The following ATP11C variants were observed in gnomAD, a reference collection of about 807,000 sequenced individuals.
ATP11C encodes the protein ATPase phospholipid transporting 11C (ATP11C blood group).
In ATP11C, 36 loss-of-function variants were observed where a neutral mutation model predicts 97.4. The observed-to-expected ratio is 0.37, with a 90% confidence interval of 0.28 to 0.49. The LOEUF (loss-of-function observed/expected upper bound fraction) is 0.49, where lower values mean the gene tolerates loss of function less well. ATP11C is among the 20% of genes least tolerant of loss of function. The probability of loss-of-function intolerance (pLI) is 0.98; values close to 1 mark genes in which losing one functional copy is unlikely to be tolerated. For missense variants in ATP11C, 730 were observed against 824.6 expected, an observed-to-expected ratio of 0.89 and a Z score of 1.40; for synonymous variants, 275 against 290.9, an observed-to-expected ratio of 0.95 and a Z score of 0.56.
chrX:139,822,797 C>T (rs999938073), intron 2 of ATP11C, among the ~76,000 whole-genome samples: 1 of 109,981 alleles, frequency 9.1e-6, no homozygotes, highest in Non-Finnish European at 1.9e-5. Flanking sequence ...CTCAGCCTCC[C>T]GAAGTGCTGG....
At chrX:139,914,424 G>C (rs1443683137) in intron 1 of ATP11C, among the ~76,000 whole-genome samples, 1 of 112,311 alleles carries the variant, frequency 8.9e-6, no homozygotes, top group Non-Finnish European at 1.9e-5. Context: ...CTTTAGATTT[G>C]TTCATTCATC....
intron 1 of ATP11C, among the ~76,000 whole-genome samples, chrX:139,931,275 T>C (rs189091871): frequency 3.9e-4 from 44 of 112,127 alleles, no homozygotes; most frequent in Admixed American, 7.5e-4. Flanking sequence ...GGGGTAAACG[T>C]GGACGGAGGA....
intron 5 of ATP11C, among the ~76,000 whole-genome samples, chrX:139,810,290 T>C (rs1284651302): frequency 1.8e-5 from 2 of 110,286 alleles, no homozygotes; most frequent in Non-Finnish European, 3.8e-5. Context: ...ACCTCATCCC[T>C]ACTAAAAATA....
chrX:139,833,030 C>G (rs2083682735), intron 1 of ATP11C, among the ~76,000 whole-genome samples: 1 of 111,970 alleles, frequency 8.9e-6, no homozygotes, highest in Non-Finnish European at 1.9e-5. Context: ...AGATAAGAAA[C>G]TCTAGCTGGA....
Position 139,869,625 on chromosome X carries a change from A to G in ATP11C, c.28-42802T>C, listed in dbSNP as rs1465415618. Among the ~76,000 whole-genome samples, 157 of 103,182 alleles carry G rather than the reference A, an allele frequency of 1.5e-3. 1 individual carries two copies. The highest frequency in any genetic ancestry group is 5.1e-3 in the African/African-American group (144 of 28,374). 89.6% of individuals were successfully genotyped at this position (103,182 alleles called of 115,157 possible). On this transcript the variant is annotated intron_variant, in intron 1 of 29. Coordinates refer to ENST00000682941, the MANE Select transcript of ATP11C (RefSeq NM_001353812.2). ...GGCAAAACCCCCTCTCTACTAAAAA[A>G]AAAAAAAAAAAAAAAAAAATTAGCT...
intron 1 of ATP11C, among the ~76,000 whole-genome samples, chrX:139,911,014 G>T (rs765988338): frequency 9.0e-6 from 1 of 111,307 alleles, no homozygotes; most frequent in Non-Finnish European, 1.9e-5. Flanking sequence ...TTTGCAAAAT[G>T]TTAAAAGTTT....
At position 139,932,210 on chromosome X, in the gene ATP11C, GC is replaced by G. The variant is rs2085450166; in HGVS notation, c.-169del. Reference sequence around the variant, plus strand: ...CCCCCTCGGCTCTCCGCGCTCCCCCGCCCCCCAGCCGCCCGCAGCCTAGCCG... The same window carrying G: ...CCCCCTCGGCTCTCCGCGCTCCCCCGCCCCCAGCCGCCCGCAGCCTAGCCG... On this transcript the variant is annotated 5_prime_UTR_variant, in exon 1 of 30. Coordinates refer to ENST00000682941, the MANE Select transcript of ATP11C (RefSeq NM_001353812.2). 1.7e-5 allele frequency: 4 copies of G among 231,845 alleles called. No homozygotes were observed. Among genetic ancestry groups the G allele is most frequent in the East Asian group, 2.1e-4 (1 of 4,802 alleles). The allele number at this position is 231,845 out of a possible 1,213,427, so 19.1% of individuals were successfully genotyped here.
At chrX:139,814,348 A>G (rs368597026) in intron 5 of ATP11C, among the ~76,000 whole-genome samples, 2 of 111,620 alleles carry the variant, frequency 1.8e-5, no homozygotes, top group South Asian at 3.7e-4. Context: ...TTAAAAAGTT[A>G]AACACGTAAT....
At chrX:139,736,454 TG>T (rs1704852052) in intron 28 of ATP11C, among the ~76,000 whole-genome samples, 1 of 111,608 alleles carries the variant, frequency 9.0e-6, no homozygotes. Context: ...CAAATAAGGA[TG>T]GAAGAGCAAC....
chrX:139,795,825 T>A (rs140653736), intron 12 of ATP11C, among the ~76,000 whole-genome samples: 252 of 111,718 alleles, frequency 2.3e-3, no homozygotes, highest in African/African-American at 8.0e-3. Flanking sequence ...ACTCTGCTTG[T>A]TAGGTCTATA....
chrX:139,906,000 G>A (rs1286647937), intron 1 of ATP11C, among the ~76,000 whole-genome samples: 5 of 110,498 alleles, frequency 4.5e-5, no homozygotes, highest in African/African-American at 6.6e-5. Flanking sequence ...CCCTCCCACC[G>A]CCCCCACAAC....
intron 3 of ATP11C, 49 bp from the exon 4 acceptor site, chrX:139,816,992 C>T (rs1162769720): frequency 2.3e-6 from 2 of 851,691 alleles, no homozygotes; most frequent in Non-Finnish European, 1.7e-6. Context: ...TTGTCATTAA[C>T]TCATATGCAG....
chrX:139,903,881 C>T (rs977429521), intron 1 of ATP11C, among the ~76,000 whole-genome samples: 1 of 110,651 alleles, frequency 9.0e-6, no homozygotes, highest in Non-Finnish European at 1.9e-5. Flanking sequence ...TATAGAACAC[C>T]GGTTTTCAAA....
chrX:139,922,223 A>AATATATATATATATATATAT (rs201394639), intron 1 of ATP11C, among the ~76,000 whole-genome samples: 3 of 43,761 alleles, frequency 6.9e-5, no homozygotes, highest in African/African-American at 1.6e-4. Context: ...TCCTTCTCTA[A>AATATATATATATATATATAT]ATATATATAT....
chrX:139,729,027 C>T, intron 29 of ATP11C, 65 bp from the exon 30 acceptor site: 3 of 890,077 alleles, frequency 3.4e-6, no homozygotes, highest in Admixed American at 2.5e-5. Flanking sequence ...ATCTGTTAAG[C>T]ATTTTCAGAA....
At chrX:139,850,549 T>G (rs1267655301) in intron 1 of ATP11C, among the ~76,000 whole-genome samples, 2 of 111,841 alleles carry the variant, frequency 1.8e-5, no homozygotes, top group Non-Finnish European at 3.8e-5. Context: ...GCTGTGTGGC[T>G]ATTTTTAACC....
rs191955272 is a variant in ATP11C at position 139,814,415 on chromosome X, G to A, written c.426+463C>T. 9.8e-3 allele frequency among the ~76,000 whole-genome samples: 1,096 copies of A among 111,825 alleles called. 6 individuals are homozygous for A. The highest frequency in any genetic ancestry group is 0.015 in the Non-Finnish European group (772 of 53,052). On this transcript the variant is annotated intron_variant, in intron 5 of 29. Transcript: ENST00000682941. ...TATATACCTCAAAGAATTAAAAACA[G>A]ATGTTCAAACAAAAACTGTAATTCA...
intron 1 of ATP11C, among the ~76,000 whole-genome samples, chrX:139,847,348 A>G (rs2083924442): frequency 9.0e-6 from 1 of 110,899 alleles, no homozygotes; most frequent in African/African-American, 3.3e-5. Context: ...ACGCCACTGC[A>G]CTCCAGCTTG....
In ATP11C at chrX:139,932,030, T is replaced by C. The variant is rs778961255; in HGVS notation, c.13A>G (p.Ser5Gly). 7 of 1,161,904 alleles carry C rather than the reference T, an allele frequency of 6.0e-6. No homozygotes were observed. The highest frequency in any genetic ancestry group is 2.5e-5 in the Admixed American group (1 of 39,270). The change falls in exon 1 of 30, where the codon AGC becomes GGC. Residue 5 changes from serine to glycine, a missense_variant. Transcript: ENST00000682941. Reference sequence around the variant, plus strand: ...AGTGTACTTACAAAACGATTCAAGCTCCGGCGGAACATCGCGTCGAAGGCT... The same window carrying C: ...AGTGTACTTACAAAACGATTCAAGCCCCGGCGGAACATCGCGTCGAAGGCT... MFRR[S>G]LNRFCAGEEK...
Sources: gnomAD v4.1 joint callset for allele counts (sites outside exome capture counted in the v4.1 genomes callset) on GRCh38, gnomAD v4.1.1 for gene constraint, MANE v1.5 for transcripts, NCBI Gene and HGNC (gene_info 2026-07-23, HGNC 2026-07-21) for gene names.